The following SCAPER variants were observed in gnomAD, a reference collection of about 807,000 sequenced individuals.
SCAPER encodes the protein S-phase cyclin A associated protein in the ER.
A neutral mutation model predicts 182.2 loss-of-function variants in SCAPER; 98 were observed. That is an observed-to-expected ratio of 0.54 (90% CI 0.46 to 0.64). The LOEUF (loss-of-function observed/expected upper bound fraction) is 0.64. Ranked by LOEUF, SCAPER falls within the 30% of genes least tolerant of loss-of-function variation. The probability of loss-of-function intolerance (pLI) is 0.00; values close to 1 mark genes in which losing one functional copy is unlikely to be tolerated. For synonymous variants in SCAPER, 605 were observed against 564.6 expected (o/e 1.07, Z -1.01); for missense variants, 1,432 against 1,690.0 (o/e 0.85, Z 2.68).
intron 17 of SCAPER, among the ~76,000 whole-genome samples, chr15:76,706,438 T>G (rs908003622): frequency 1.3e-5 from 2 of 152,034 alleles, no homozygotes; most frequent in Admixed American, 6.6e-5. Context: ...AGGAAACTAA[T>G]AAGCAAGGTG....
At chr15:76,556,401 A>C (rs1282075928) in intron 23 of SCAPER, among the ~76,000 whole-genome samples, 1 of 152,188 alleles carries the variant, frequency 6.6e-6, no homozygotes, top group African/African-American at 2.4e-5. Flanking sequence ...AATGAAATTG[A>C]AATCTGAAAA....
intron 27 of SCAPER, among the ~76,000 whole-genome samples, chr15:76,390,950 A>T (rs947791864): frequency 6.6e-6 from 1 of 152,192 alleles, no homozygotes; most frequent in Non-Finnish European, 1.5e-5. Flanking sequence ...TTTTTCACAG[A>T]GTAAACAGAT....
At chr15:76,657,376 A>G (rs980923471) in intron 21 of SCAPER, among the ~76,000 whole-genome samples, 3 of 152,056 alleles carry the variant, frequency 2.0e-5, no homozygotes, top group African/African-American at 4.8e-5. Context: ...AAAAAGCCCA[A>G]TAACTAGGAC....
intron 26 of SCAPER, among the ~76,000 whole-genome samples, chr15:76,407,620 T>C (rs1472034868): frequency 6.6e-6 from 1 of 152,194 alleles, no homozygotes; most frequent in Non-Finnish European, 1.5e-5. Context: ...GAAAAATCAG[T>C]AGAAAAAGTT....
chr15:76,648,715 G>A (rs2054762542), intron 21 of SCAPER, among the ~76,000 whole-genome samples: 1 of 152,196 alleles, frequency 6.6e-6, no homozygotes, highest in Non-Finnish European at 1.5e-5. Context: ...TACTTTCTAA[G>A]AAAAAGCAGC....
intron 22 of SCAPER, among the ~76,000 whole-genome samples, chr15:76,592,693 T>C (rs1399801304): frequency 5.7e-5 from 7 of 122,330 alleles, no homozygotes; most frequent in African/African-American, 1.8e-4. Context: ...GGGTGAGGTG[T>C]TGCCTCACCT....
intron 29 of SCAPER, among the ~76,000 whole-genome samples, chr15:76,360,692 T>C (rs1034404688): frequency 2.0e-5 from 3 of 150,520 alleles, no homozygotes; most frequent in African/African-American, 7.4e-5. Context: ...AGACTTTTTT[T>C]CAAAAACCTA....
At chr15:76,629,986 T>C (rs910030929) in intron 21 of SCAPER, among the ~76,000 whole-genome samples, 1 of 152,222 alleles carries the variant, frequency 6.6e-6, no homozygotes, top group Non-Finnish European at 1.5e-5. Flanking sequence ...TAGTTCAGTC[T>C]TGGGAGGGTG....
intron 15 of SCAPER, among the ~76,000 whole-genome samples, chr15:76,739,517 T>A (rs914504079): frequency 6.6e-6 from 1 of 152,178 alleles, no homozygotes; most frequent in Non-Finnish European, 1.5e-5. Context: ...ATAACCAAGA[T>A]GGCTACTAAC....
At chr15:76,604,164 C>T (rs2145827252) in intron 22 of SCAPER, among the ~76,000 whole-genome samples, 1 of 120,306 alleles carries the variant, frequency 8.3e-6, no homozygotes, top group East Asian at 2.2e-4. Context: ...TTAGGTCTAA[C>T]CTTTAAGTCT....
intron 22 of SCAPER, among the ~76,000 whole-genome samples, chr15:76,612,402 A>C (rs752184866): frequency 6.6e-5 from 10 of 152,026 alleles, no homozygotes; most frequent in Non-Finnish European, 1.3e-4. Flanking sequence ...ATGTCTGGCT[A>C]ATTTTTTTGT....
At chr15:76,501,395 G>A (rs955616081) in intron 24 of SCAPER, among the ~76,000 whole-genome samples, 5 of 147,482 alleles carry the variant, frequency 3.4e-5, no homozygotes, top group African/African-American at 5.0e-5. Context: ...TTCACACGAA[G>A]TTGCTTAATT....
intron 14 of SCAPER, among the ~76,000 whole-genome samples, chr15:76,757,853 T>C (rs2062545611): frequency 6.6e-6 from 1 of 152,174 alleles, no homozygotes; most frequent in Non-Finnish European, 1.5e-5. Context: ...CCCCTGATCA[T>C]TATAGATGCT....
rs1230276729 is a variant in SCAPER at position 76,765,422 on chromosome 15, C to T, written c.1528G>A (p.Gly510Arg). The change falls in exon 13 of 32, where the codon GGG becomes AGG. Residue 510 changes from glycine to arginine, a missense_variant. Gly to Arg is a moderately radical substitution (Grantham distance 125). This residue lies in a region of SCAPER where 128 missense variants were observed against 149.9 expected (regional missense o/e 0.85). Transcript: ENST00000563290. ...RESWRQNTSWGDIVEEEPARP... is the reference protein window; with the variant it reads ...RESWRQNTSWRDIVEEEPARP... The stretch of plus-strand genomic sequence containing the variant: ...GCAGGTTCTTCTTCTACAATGTCCC[C>T]CCAGGATGTATTTTGGCGCCAAGAC... 3.1e-6 allele frequency: 5 copies of T among 1,613,868 alleles called. No individual in the cohort carries two copies. Among genetic ancestry groups the T allele is most frequent in the Non-Finnish European group, 4.2e-6 (5 of 1,179,844 alleles).
chr15:76,898,957 A>G (rs1300805440), intron 1 of SCAPER, among the ~76,000 whole-genome samples: 1 of 152,216 alleles, frequency 6.6e-6, no homozygotes, highest in African/African-American at 2.4e-5. Context: ...AAAGAAAGCA[A>G]GCTATGTCCT....
intron 10 of SCAPER, among the ~76,000 whole-genome samples, chr15:76,767,695 T>C (rs1214799198): frequency 6.6e-6 from 1 of 151,962 alleles, no homozygotes; most frequent in Admixed American, 6.6e-5. Flanking sequence ...ATGAAATTAT[T>C]AAAAAATTAA....
At chr15:76,767,499 T>C (rs946192246) in intron 10 of SCAPER, among the ~76,000 whole-genome samples, 1 of 152,150 alleles carries the variant, frequency 6.6e-6, no homozygotes, top group Non-Finnish European at 1.5e-5. Context: ...GCTGTACTGG[T>C]GATGATGCTT....
At chr15:76,604,749 G>T (rs1420788009) in intron 22 of SCAPER, among the ~76,000 whole-genome samples, 1 of 151,828 alleles carries the variant, frequency 6.6e-6, no homozygotes, top group African/African-American at 2.4e-5. Flanking sequence ...CACATCCCTT[G>T]TAAGTTGGAT....
chr15:76,829,657 C>A (rs2068288322), intron 5 of SCAPER, among the ~76,000 whole-genome samples: 1 of 152,120 alleles, frequency 6.6e-6, no homozygotes, highest in South Asian at 2.1e-4. Flanking sequence ...CATATACCCA[C>A]CATCTTTGTA....
Sources: gnomAD v4.1 joint callset for allele counts (sites outside exome capture counted in the v4.1 genomes callset) on GRCh38, gnomAD v4.1.1 for gene constraint, gnomAD v4.1.1 regional missense constraint, MANE v1.5 for transcripts, NCBI Gene and HGNC (gene_info 2026-07-23, HGNC 2026-07-21) for gene names.